WDFY4: variants seen among roughly 807,000 people sequenced by gnomAD.
WDFY4 encodes WDFY family member 4, also known as WD repeat- and FYVE domain-containing protein 4.
A neutral mutation model predicts 351.9 loss-of-function variants in WDFY4; 169 were observed. That is an observed-to-expected ratio of 0.48 (90% CI 0.42 to 0.55). WDFY4 has a LOEUF of 0.55. Among genes scored for constraint, WDFY4 ranks in the 20% least tolerant of loss-of-function variants. The pLI, the probability that WDFY4 is intolerant of heterozygous loss-of-function variation, is 0.00. For synonymous variants in WDFY4, 1,622 were observed against 1,574.6 expected, an observed-to-expected ratio of 1.03 and a Z score of -0.71; for missense variants, 3,803 against 3,935.6, an observed-to-expected ratio of 0.97 and a Z score of 0.90.
At chr10:48,717,068 CG>C (rs1260194433) in intron 2 of WDFY4, among the ~76,000 whole-genome samples, 2 of 152,204 alleles carry the variant, frequency 1.3e-5, no homozygotes, top group Non-Finnish European at 2.9e-5. Context: ...TCTTAAACTC[CG>C]GCTAAGCCTC....
chr10:48,969,900 A>G (rs1842263353), intron 56 of WDFY4, among the ~76,000 whole-genome samples: 2 of 152,026 alleles, frequency 1.3e-5, no homozygotes, highest in South Asian at 4.1e-4. Flanking sequence ...GCTGGTGCTC[A>G]TGGGGTCTTC....
chr10:48,738,462 G>A (rs936093068), intron 11 of WDFY4, among the ~76,000 whole-genome samples: 1 of 152,234 alleles, frequency 6.6e-6, no homozygotes, highest in African/African-American at 2.4e-5. Context: ...TGCACTCAAT[G>A]TGCTATCTTC....
At chr10:48,693,042 G>A (rs1383888184) in intron 1 of WDFY4, among the ~76,000 whole-genome samples, 1 of 152,184 alleles carries the variant, frequency 6.6e-6, no homozygotes, top group Non-Finnish European at 1.5e-5. Context: ...TCCAGGCAGA[G>A]GAGGTGGCCT....
intron 39 of WDFY4, among the ~76,000 whole-genome samples, chr10:48,833,172 T>TGTGAGAGAGAGA (rs372781295): frequency 7.4e-6 from 1 of 135,816 alleles, no homozygotes; most frequent in African/African-American, 2.8e-5. Context: ...TGTGTGTGTG[T>TGTGAGAGAGAGA]GAGAGAGAGA....
At chr10:48,789,116 T>C (rs2066593253) in intron 21 of WDFY4, among the ~76,000 whole-genome samples, 1 of 152,218 alleles carries the variant, frequency 6.6e-6, no homozygotes. Context: ...CAAGTGATCC[T>C]CCTGCTTCAG....
intron 39 of WDFY4, among the ~76,000 whole-genome samples, chr10:48,847,109 C>G (rs557472404): frequency 1.3e-5 from 2 of 152,122 alleles, no homozygotes; most frequent in Non-Finnish European, 2.9e-5. Flanking sequence ...CTCGCAGTCC[C>G]GGAGGCTAGA....
chr10:48,699,795 G>A lies in WDFY4; in HGVS notation c.-17-9921G>A, dbSNP rs528781634. Among the ~76,000 whole-genome samples, 366 of 152,254 alleles carry A rather than the reference G, an allele frequency of 2.4e-3. 1 individual carries two copies. The highest frequency in any genetic ancestry group is 8.4e-3 in the African/African-American group (350 of 41,534). On this transcript the variant is annotated intron_variant, in intron 1 of 61. Coordinates refer to ENST00000325239, the MANE Select transcript of WDFY4 (RefSeq NM_001394531.1). Reference sequence around the variant, plus strand: ...TCTCTGGGCTGAGAGGTGAGGGTGAGGGGTGATCAGGGCTTGCAGTAATGC... The same window carrying A: ...TCTCTGGGCTGAGAGGTGAGGGTGAAGGGTGATCAGGGCTTGCAGTAATGC...
chr10:48,841,599 C>A (rs549924068), intron 39 of WDFY4, among the ~76,000 whole-genome samples: 3 of 152,190 alleles, frequency 2.0e-5, no homozygotes, highest in Admixed American at 1.3e-4. Flanking sequence ...ACATATCAAA[C>A]TTGAAGTCCA....
At chr10:48,693,997 C>T (rs1008852820) in intron 1 of WDFY4, among the ~76,000 whole-genome samples, 29 of 152,196 alleles carry the variant, frequency 1.9e-4, no homozygotes, top group African/African-American at 7.0e-4. Context: ...AGGAGCCAGG[C>T]ATGCATACTT....
intron 39 of WDFY4, among the ~76,000 whole-genome samples, chr10:48,836,466 G>T (rs2068397329): frequency 6.6e-6 from 1 of 152,080 alleles, no homozygotes; most frequent in African/African-American, 2.4e-5. Flanking sequence ...TAAAGGAGTT[G>T]GTGTTGGAGG....
intron 1 of WDFY4, among the ~76,000 whole-genome samples, chr10:48,702,036 AT>A (rs1281143707): frequency 6.6e-6 from 1 of 152,194 alleles, no homozygotes; most frequent in Non-Finnish European, 1.5e-5. Context: ...CTGAAATACA[AT>A]TTACATAAAA....
At chr10:48,938,990 GTTC>G (rs1282533872) in intron 47 of WDFY4, among the ~76,000 whole-genome samples, 1 of 152,162 alleles carries the variant, frequency 6.6e-6, no homozygotes, top group Non-Finnish European at 1.5e-5. Context: ...GAGTTCTTCT[GTTC>G]TTCTCTGCTC....
At chr10:48,749,367 C>T (rs7919695) in intron 12 of WDFY4, among the ~76,000 whole-genome samples, 20,123 of 151,916 alleles carry the variant, frequency 0.13, 1,527 homozygotes, top group African/African-American at 0.2. Flanking sequence ...CACACACACA[C>T]CACACTAAAC....
intron 13 of WDFY4, among the ~76,000 whole-genome samples, chr10:48,767,920 G>C (rs1225356850): frequency 6.6e-6 from 1 of 152,198 alleles, no homozygotes; most frequent in Non-Finnish European, 1.5e-5. Context: ...CCCCCAGAAA[G>C]TCAGGACCAA....
chr10:48,745,101 C>T (rs886585128), intron 12 of WDFY4, among the ~76,000 whole-genome samples: 3 of 152,126 alleles, frequency 2.0e-5, no homozygotes, highest in African/African-American at 4.8e-5. Flanking sequence ...CTTCTTTTTA[C>T]ATGTAAATTT....
At chr10:48,866,546 C>T (rs1239642471) in intron 39 of WDFY4, among the ~76,000 whole-genome samples, 3 of 152,092 alleles carry the variant, frequency 2.0e-5, no homozygotes, top group Admixed American at 6.5e-5. Context: ...ATCTCAAGGT[C>T]CAAAAAATAG....
At chr10:48,975,234 T>C (rs1842516348) in intron 58 of WDFY4, 193 bp downstream of exon 58, 4 of 738,824 alleles carry the variant, frequency 5.4e-6, no homozygotes, top group Non-Finnish European at 9.0e-6. Flanking sequence ...GCTTCTTTAC[T>C]TTCCTCCCTC....
intron 35 of WDFY4, among the ~76,000 whole-genome samples, chr10:48,825,470 T>C (rs777864722): frequency 6.6e-6 from 1 of 152,242 alleles, no homozygotes; most frequent in Admixed American, 6.5e-5. Context: ...TTTGGGTATA[T>C]ACCCAGTAAT....
intron 41 of WDFY4, among the ~76,000 whole-genome samples, chr10:48,874,404 G>T (rs1283615489): frequency 6.6e-6 from 1 of 152,116 alleles, no homozygotes; most frequent in African/African-American, 2.4e-5. Flanking sequence ...ATCCTCAAAG[G>T]CGGCCTTCCA....
Sources: allele counts gnomAD v4.1 joint callset (sites outside exome capture counted in the v4.1 genomes callset), GRCh38; gene constraint gnomAD v4.1.1; transcripts MANE v1.5; gene names NCBI Gene and HGNC (gene_info 2026-07-23, HGNC 2026-07-21).